The following TP63 variants were observed in gnomAD, a reference collection of about 807,000 sequenced individuals.
TP63 encodes the protein tumor protein p63.
A neutral mutation model predicts 82.8 loss-of-function variants in TP63; 17 were observed. That is an observed-to-expected ratio of 0.21 (90% CI 0.14 to 0.31). TP63 has a LOEUF of 0.31. TP63 is among the 10% of genes least tolerant of loss of function. TP63 has a pLI of 1.00. For synonymous variants in TP63, 330 were observed against 321.7 expected (o/e 1.03, Z -0.28); for missense variants, 648 against 895.3 (o/e 0.72, Z 3.52).
intron 4 of TP63, among the ~76,000 whole-genome samples, chr3:189,858,668 A>G (rs1464404427): frequency 6.6e-6 from 1 of 152,130 alleles, no homozygotes; most frequent in South Asian, 2.1e-4. Flanking sequence ...AGCCCTAGCT[A>G]CTCAGGAGGC....
intron 9 of TP63, 131 bp from the exon 10 acceptor site, chr3:189,872,728 C>G: frequency 7.2e-7 from 1 of 1,385,048 alleles, no homozygotes; most frequent in Non-Finnish European, 1.0e-6. Context: ...TGTTGATTTT[C>G]ATGTTACAAA....
intron 3 of TP63, among the ~76,000 whole-genome samples, chr3:189,797,103 A>G (rs143188961): frequency 8.2e-4 from 125 of 152,248 alleles, no homozygotes; most frequent in African/African-American, 2.2e-3. Context: ...TTGATATTTC[A>G]TGCAAAACTT....
intron 1 of TP63, among the ~76,000 whole-genome samples, chr3:189,660,061 G>T (rs938068627): frequency 6.6e-6 from 1 of 151,914 alleles, no homozygotes; most frequent in East Asian, 1.9e-4. Flanking sequence ...GTGTAATTAG[G>T]TTCCACTTGT....
intron 4 of TP63, among the ~76,000 whole-genome samples, chr3:189,831,657 C>T (rs1421097677): frequency 2.6e-5 from 4 of 151,210 alleles, no homozygotes; most frequent in South Asian, 2.1e-4. Context: ...CATTCTGCAC[C>T]GTTTGAGCTC....
chr3:189,824,040 C>T (rs1401151180), intron 4 of TP63, among the ~76,000 whole-genome samples: 9 of 152,058 alleles, frequency 5.9e-5, no homozygotes, highest in Non-Finnish European at 1.2e-4. Context: ...GCCCCCCAAA[C>T]CTTGATCGTT....
intron 3 of TP63, among the ~76,000 whole-genome samples, chr3:189,753,952 C>T (rs891411452): frequency 2.6e-5 from 4 of 152,046 alleles, no homozygotes; most frequent in African/African-American, 9.7e-5. Flanking sequence ...CTTTATAACC[C>T]TCACACCTTT....
intron 1 of TP63, among the ~76,000 whole-genome samples, chr3:189,639,030 A>G (rs1207604868): frequency 6.6e-6 from 1 of 152,198 alleles, no homozygotes; most frequent in Non-Finnish European, 1.5e-5. Context: ...AATGGATTGT[A>G]AGATTAAAGT....
chr3:189,603,234 G>A, the TP63 span, among the ~76,000 whole-genome samples: 1 of 152,084 alleles, frequency 6.6e-6, no homozygotes, highest in African/African-American at 2.4e-5. Context: ...CCAGCAATGG[G>A]CTCAAAGTGG....
intron 10 of TP63, among the ~76,000 whole-genome samples, chr3:189,883,545 G>T (rs532437079): frequency 6.6e-6 from 1 of 152,222 alleles, no homozygotes; most frequent in East Asian, 1.9e-4. Context: ...AATATTTGAG[G>T]CTGGAGGGAA....
intron 1 of TP63, among the ~76,000 whole-genome samples, chr3:189,670,162 G>A (rs866000440): frequency 6.6e-6 from 1 of 152,004 alleles, no homozygotes; most frequent in South Asian, 2.1e-4. Flanking sequence ...TAATAATAGA[G>A]ATTTTTAAAA....
At chr3:189,610,426 A>C in the TP63 span, among the ~76,000 whole-genome samples, 1 of 152,180 alleles carries the variant, frequency 6.6e-6, no homozygotes, top group South Asian at 2.1e-4. Context: ...TCAAGTTCAA[A>C]GTTCCACAAA....
At chr3:189,731,306 A>G (rs1438912838) in intron 1 of TP63, among the ~76,000 whole-genome samples, 1 of 152,118 alleles carries the variant, frequency 6.6e-6, no homozygotes, top group African/African-American at 2.4e-5. Context: ...ATGGTGCCAC[A>G]AGACTCCAGG....
At chr3:189,638,388 A>G (rs1711526581) in intron 1 of TP63, among the ~76,000 whole-genome samples, 1 of 152,128 alleles carries the variant, frequency 6.6e-6, no homozygotes, top group South Asian at 2.1e-4. Context: ...TAGAAATAAT[A>G]CAAGGTACAA....
intron 1 of TP63, among the ~76,000 whole-genome samples, chr3:189,662,283 C>T (rs893723376): frequency 4.0e-5 from 6 of 151,814 alleles, no homozygotes; most frequent in Non-Finnish European, 8.8e-5. Context: ...TTATTTATTT[C>T]AAAAAAACTT....
At chr3:189,787,250 C>T (rs1724680754) in intron 3 of TP63, among the ~76,000 whole-genome samples, 1 of 152,004 alleles carries the variant, frequency 6.6e-6, no homozygotes, top group Non-Finnish European at 1.5e-5. Flanking sequence ...AATAAATATC[C>T]GAGTAAAATC....
Position 189,864,327 on chromosome 3 carries a change from C to T in TP63, c.675C>T (p.Ile225=). ...VMTPPPQGAV[I]RAMPVYKKAE... is the part of the protein sequence containing the mutation. ...CCCCACCTCCTCAGGGAGCTGTTAT[C>T]CGCGCCATGCCTGTCTACAAAAAAG... is the stretch of plus-strand genomic sequence containing the variant. The change falls in exon 5 of 14, where the codon ATC becomes ATT. Residue 225 remains isoleucine (I), a synonymous_variant. Transcript: ENST00000264731. 1 of 1,614,170 alleles carries T rather than the reference C, an allele frequency of 6.2e-7. No individual in the cohort carries two copies. Among genetic ancestry groups the T allele is most frequent in the Non-Finnish European group, 8.5e-7 (1 of 1,180,018 alleles).
intron 1 of TP63, among the ~76,000 whole-genome samples, chr3:189,704,110 A>G (rs998213666): frequency 1.3e-5 from 2 of 152,190 alleles, no homozygotes; most frequent in African/African-American, 4.8e-5. Flanking sequence ...GATACTACCT[A>G]CACTTCAGGC....
chr3:189,875,192 T>A (rs1479091974), intron 10 of TP63, among the ~76,000 whole-genome samples: 2 of 151,990 alleles, frequency 1.3e-5, no homozygotes, highest in Non-Finnish European at 2.9e-5. Context: ...TAAATGGAAC[T>A]TTATGGACCC....
chr3:189,607,398 T>G, the TP63 span, among the ~76,000 whole-genome samples: 7 of 152,214 alleles, frequency 4.6e-5, no homozygotes, highest in Non-Finnish European at 1.0e-4. Flanking sequence ...AAATCAATAT[T>G]CATTTCAAAA....
Sources: allele counts gnomAD v4.1 joint callset (sites outside exome capture counted in the v4.1 genomes callset), GRCh38; gene constraint gnomAD v4.1.1; transcripts MANE v1.5; gene names NCBI Gene and HGNC (gene_info 2026-07-23, HGNC 2026-07-21).